GARNL3: variants seen among roughly 807,000 people sequenced by gnomAD.
GARNL3 encodes the protein GTPase activating Rap/RanGAP domain like 3.
Under a neutral mutation model 125.0 loss-of-function variants are expected in GARNL3, and 63 were observed. That is an observed-to-expected ratio of 0.50 (90% confidence interval 0.41 to 0.62). GARNL3 has a LOEUF of 0.62. Among genes scored for constraint, GARNL3 ranks in the 20% least tolerant of loss-of-function variants. The probability of loss-of-function intolerance (pLI) is 0.00; values close to 1 mark genes in which losing one functional copy is unlikely to be tolerated. For missense variants in GARNL3, 994 were observed against 1,244.0 expected, an observed-to-expected ratio of 0.80 and a Z score of 3.02; for synonymous variants, 439 against 457.5, an observed-to-expected ratio of 0.96 and a Z score of 0.52.
chr9:127,357,680 G>A (rs1400460336), intron 21 of GARNL3, among the ~76,000 whole-genome samples: 2 of 152,070 alleles, frequency 1.3e-5, no homozygotes, highest in Non-Finnish European at 2.9e-5. Context: ...GCTCACGCCT[G>A]TAATCCCAGC....
chr9:127,231,228 G>GT (rs34963289), intron 1 of GARNL3, among the ~76,000 whole-genome samples: 15,026 of 100,400 alleles, frequency 0.15, 1,804 homozygotes, highest in East Asian at 0.49. Flanking sequence ...CTAATTTTTT[G>GT]TTTTTTTTTT....
At chr9:127,340,941 G>A (rs994291912) in intron 13 of GARNL3, among the ~76,000 whole-genome samples, 2 of 152,058 alleles carry the variant, frequency 1.3e-5, no homozygotes, top group Non-Finnish European at 2.9e-5. Flanking sequence ...CCAAGTCCTG[G>A]CCAGGCTGTT....
chr9:127,264,000 G>A (rs745945137), upstream of GARNL3: 6 of 1,517,606 alleles, frequency 4.0e-6, no homozygotes, highest in South Asian at 4.9e-5. Flanking sequence ...GGATGAAAAG[G>A]TACTAAATGC....
intron 2 of GARNL3, among the ~76,000 whole-genome samples, chr9:127,249,016 T>C (rs1489040391): frequency 1.3e-5 from 2 of 152,142 alleles, no homozygotes; most frequent in Non-Finnish European, 2.9e-5. Flanking sequence ...CTCCAAAGAC[T>C]ATGAGACAGG....
chr9:127,287,445 C>T (rs1487056997), intron 1 of GARNL3, among the ~76,000 whole-genome samples: 2 of 152,216 alleles, frequency 1.3e-5, no homozygotes, highest in African/African-American at 2.4e-5. Context: ...TGATAATCAG[C>T]TTCTGTACTG....
intron 21 of GARNL3, chr9:127,362,796 T>G (rs537565710): frequency 1.3e-5 from 2 of 152,392 alleles, no homozygotes; most frequent in East Asian, 3.9e-4. Flanking sequence ...CAGCCAACAT[T>G]GAGCATTTAC....
At chr9:127,361,287 G>C (rs1384268558) in intron 21 of GARNL3, among the ~76,000 whole-genome samples, 1 of 151,952 alleles carries the variant, frequency 6.6e-6, no homozygotes, top group African/African-American at 2.4e-5. Flanking sequence ...GAGAGAGAGA[G>C]AGAGAGACAG....
chr9:127,390,116 G>A lies in GARNL3; in HGVS notation c.2744-525G>A, dbSNP rs141920793. On this transcript the variant is annotated intron_variant, in intron 26 of 27. Transcript: ENST00000373387. ...AACTTAGACTGGGACCTGCATGAACGTTGGCCTGGGCACACCCCTGCCCTG... is the reference window on the plus strand; with the variant it reads ...AACTTAGACTGGGACCTGCATGAACATTGGCCTGGGCACACCCCTGCCCTG... 3.2e-4 allele frequency among the ~76,000 whole-genome samples: 49 copies of A among 152,146 alleles called. 1 individual carries two copies. Among genetic ancestry groups the A allele is most frequent in the Non-Finnish European group, 6.2e-4 (42 of 68,022 alleles).
chr9:127,278,973 C>T (rs2064032308), intron 1 of GARNL3, among the ~76,000 whole-genome samples: 1 of 152,288 alleles, frequency 6.6e-6, no homozygotes, highest in South Asian at 2.1e-4. Context: ...TTAAGTCCTA[C>T]CTGAATCCAG....
At chr9:127,258,175 T>C (rs2131235335) in intron 2 of GARNL3, among the ~76,000 whole-genome samples, 1 of 152,234 alleles carries the variant, frequency 6.6e-6, no homozygotes, top group East Asian at 1.9e-4. Context: ...ACACATGGTA[T>C]TGTACCCCCA....
Position 127,228,464 on chromosome 9 carries a change from C to T in GARNL3, c.-29+4126C>T, listed in dbSNP as rs57585188. Among the ~76,000 whole-genome samples the T allele has an allele frequency of 6.8e-4, 103 of 152,308 alleles. 1 individual carries two copies. Among genetic ancestry groups the T allele is most frequent in the African/African-American group, 2.4e-3 (100 of 41,582 alleles). ...GTTTTTCCCCACTCTCAATACTAGG[C>T]ATTATCATTTATAAATATTTGCCAA... On this transcript the variant is annotated intron_variant, in intron 1 of 10. Coordinates refer to the GARNL3 transcript ENST00000439286.
intron 25 of GARNL3, 107 bp downstream of exon 25, chr9:127,387,438 T>A: frequency 8.8e-7 from 1 of 1,131,492 alleles, no homozygotes; most frequent in Non-Finnish European, 1.2e-6. Context: ...AGTTACTATT[T>A]AAAGCCATTA....
At position 127,313,525 on chromosome 9, in the gene GARNL3, T is replaced by G. The variant is rs770595496; in HGVS notation, c.404T>G (p.Val135Gly). The G allele has an allele frequency of 1.2e-6, 2 of 1,613,802 alleles. No individual in the cohort carries two copies. The highest frequency in any genetic ancestry group is 2.7e-5 in the African/African-American group (2 of 74,912). The change falls in exon 4 of 28, where the codon GTC becomes GGC. Residue 135 changes from valine to glycine, a missense_variant. By Grantham distance (109) the Val-to-Gly change is moderately radical. Transcript: ENST00000373387. ...CTTTCTGACCAAAACAATCAACGTGTCCCTCAATACCGTGCAATTCTTTGG... is the reference window on the plus strand; with the variant it reads ...CTTTCTGACCAAAACAATCAACGTGGCCCTCAATACCGTGCAATTCTTTGG... ...VTLSDQNNQR[V>G]PQYRAILWRK...
intron 2 of GARNL3, among the ~76,000 whole-genome samples, chr9:127,249,291 A>G (rs1189214511): frequency 6.6e-6 from 1 of 152,202 alleles, no homozygotes; most frequent in Non-Finnish European, 1.5e-5. Context: ...AATGGCATAT[A>G]CAAGATTATG....
In GARNL3 at chr9:127,355,552, ACC is replaced by A. The variant is rs1830644149; in HGVS notation, c.1935+82_1935+83del. The A allele has an allele frequency of 3.7e-6, 5 of 1,369,664 alleles. No individual in the cohort carries two copies. The East Asian group carries it at 1.1e-4, about 31-fold the overall frequency. The allele number at this position is 1,369,664 out of a possible 1,614,324, so 84.8% of individuals were successfully genotyped here. ...TCTGTCCTTCCACCCAGAGTTTGTT[ACC>A]CACTGAGGTTGTCCCACTGTTTAGT... On this transcript the variant is annotated intron_variant, in intron 20 of 27. Transcript: ENST00000373387.
At chr9:127,259,178 T>C (rs2063542809), upstream of GARNL3, among the ~76,000 whole-genome samples, 1 of 152,204 alleles carries the variant, frequency 6.6e-6, no homozygotes, top group Non-Finnish European at 1.5e-5. Context: ...CTTGACTCTT[T>C]GGAGGAGGTT....
At chr9:127,252,418 G>T (rs1318008372) in intron 2 of GARNL3, among the ~76,000 whole-genome samples, 1 of 152,090 alleles carries the variant, frequency 6.6e-6, no homozygotes, top group Non-Finnish European at 1.5e-5. Flanking sequence ...AATATTTATT[G>T]TGTAAGCTGG....
intron 2 of GARNL3, among the ~76,000 whole-genome samples, chr9:127,308,630 T>C (rs1042587922): frequency 2.0e-5 from 3 of 151,972 alleles, no homozygotes; most frequent in Admixed American, 2.0e-4. Context: ...GAAGGGAGTC[T>C]AAAGAAACAC....
intron 1 of GARNL3, among the ~76,000 whole-genome samples, chr9:127,231,036 A>ACATATGTGTATATATACATATATG (rs1564835195): frequency 3.7e-4 from 12 of 32,484 alleles, no homozygotes; most frequent in Non-Finnish European, 5.1e-4. Context: ...GTATATATAC[A>ACATATGTGTATATATACATATATG]TATATATATA....
Sources: allele counts gnomAD v4.1 joint callset (sites outside exome capture counted in the v4.1 genomes callset), GRCh38; gene constraint gnomAD v4.1.1; transcripts MANE v1.5; gene names NCBI Gene and HGNC (gene_info 2026-07-23, HGNC 2026-07-21).